Variants in ZFAT observed in about 807,000 individuals in gnomAD.
The protein encoded by ZFAT is zinc finger protein ZFAT.
A neutral mutation model predicts 117.7 loss-of-function variants in ZFAT; 64 were observed. That is an observed-to-expected ratio of 0.54 (90% CI 0.44 to 0.67). The LOEUF is 0.67. Ranked by LOEUF, ZFAT falls within the 30% of genes least tolerant of loss-of-function variation. ZFAT has a pLI of 0.00. For missense variants in ZFAT, 1,433 were observed against 1,584.5 expected (o/e 0.90, Z 1.62); for synonymous variants, 679 against 615.0 (o/e 1.10, Z -1.54).
intron 11 of ZFAT, among the ~76,000 whole-genome samples, chr8:134,535,037 T>C (rs906107248): frequency 7.2e-5 from 11 of 152,172 alleles, no homozygotes; most frequent in South Asian, 2.1e-4. Context: ...GGCTGCCCCA[T>C]CCCACTGTGA....
At chr8:134,810,818 T>G in the ZFAT span, among the ~76,000 whole-genome samples, 2 of 152,184 alleles carry the variant, frequency 1.3e-5, no homozygotes, top group Non-Finnish European at 2.9e-5. Flanking sequence ...CAGCCACACT[T>G]TTTTGAAAAC....
chr8:134,541,309 A>G (rs895827046), intron 11 of ZFAT, among the ~76,000 whole-genome samples: 1 of 152,138 alleles, frequency 6.6e-6, no homozygotes, highest in Non-Finnish European at 1.5e-5. Context: ...TGGGAGAGGA[A>G]TTGGTAGCTT....
the ZFAT span, among the ~76,000 whole-genome samples, chr8:134,761,978 C>CTGTGTG: frequency 8.4e-5 from 6 of 71,204 alleles, no homozygotes; most frequent in South Asian, 4.7e-4. Context: ...CTCTTTCTCT[C>CTGTGTG]TGTATGTGTG....
chr8:134,721,199 C>T, the ZFAT span, among the ~76,000 whole-genome samples: 1 of 152,320 alleles, frequency 6.6e-6, no homozygotes, highest in Non-Finnish European at 1.5e-5. Flanking sequence ...CTGGCCCACT[C>T]ATTCCACTGG....
intron 7 of ZFAT, chr8:134,599,820 A>C (rs1459014338): frequency 4.4e-6 from 2 of 455,222 alleles, no homozygotes; most frequent in Admixed American, 2.4e-5. Flanking sequence ...ATTTGCAAAA[A>C]TAAGCATTCA....
At chr8:134,534,615 A>C (rs2130579758) in intron 11 of ZFAT, among the ~76,000 whole-genome samples, 1 of 146,438 alleles carries the variant, frequency 6.8e-6, no homozygotes, top group African/African-American at 2.6e-5. Context: ...GAGGGAAGAG[A>C]GGGAGAGAGA....
chr8:134,743,197 A>C, the ZFAT span, among the ~76,000 whole-genome samples: 1 of 152,196 alleles, frequency 6.6e-6, no homozygotes, highest in Admixed American at 6.5e-5. Context: ...AATCTAAATT[A>C]AGGAAAATGT....
chr8:134,777,352 C>T, the ZFAT span, among the ~76,000 whole-genome samples: 11 of 152,272 alleles, frequency 7.2e-5, no homozygotes, highest in African/African-American at 2.4e-4. Context: ...CTTCTTGCTT[C>T]CTGTAACATA....
At chr8:134,592,942 A>G (rs538010016) in intron 7 of ZFAT, among the ~76,000 whole-genome samples, 53 of 152,386 alleles carry the variant, frequency 3.5e-4, no homozygotes, top group African/African-American at 1.2e-3. Context: ...CACATGTCCA[A>G]GGGATCCAGG....
the ZFAT span, among the ~76,000 whole-genome samples, chr8:134,779,704 A>G: frequency 2.0e-5 from 3 of 152,154 alleles, no homozygotes; most frequent in Non-Finnish European, 4.4e-5. Context: ...TCAAAGTTAG[A>G]AAAAAAGCCT....
chr8:134,504,945 C>A (rs1192587267), intron 15 of ZFAT, among the ~76,000 whole-genome samples: 1 of 152,164 alleles, frequency 6.6e-6, no homozygotes, highest in Non-Finnish European at 1.5e-5. Context: ...CCCTGCTCAG[C>A]ACCTGCCCCC....
At chr8:134,804,741 C>A in the ZFAT span, 2 of 376,852 alleles carry the variant, frequency 5.3e-6, no homozygotes, top group East Asian at 1.4e-4. Context: ...CTACATTCAA[C>A]TATCATAATA....
intron 1 of ZFAT, chr8:134,674,736 CA>C: frequency 3.7e-6 from 1 of 270,060 alleles, no homozygotes; most frequent in Admixed American, 4.7e-5. Context: ...ACACCTCATA[CA>C]GGAGAGCTCT....
the ZFAT span, among the ~76,000 whole-genome samples, chr8:134,773,895 C>T: frequency 1.3e-5 from 2 of 150,544 alleles, no homozygotes; most frequent in Non-Finnish European, 2.9e-5. Context: ...CTCCTGGGAA[C>T]ATGGTATGAA....
the ZFAT span, among the ~76,000 whole-genome samples, chr8:134,773,209 T>G: frequency 9.8e-5 from 15 of 152,340 alleles, 1 homozygote; most frequent in South Asian, 3.1e-3. Context: ...AATGCTCATT[T>G]ACCACTCTGA....
chr8:134,674,219 G>A lies in ZFAT; in HGVS notation c.20-16482C>T, dbSNP rs572696984. Among the ~76,000 whole-genome samples, 6 of 152,320 alleles carry A rather than the reference G, an allele frequency of 3.9e-5. No homozygotes were observed. In the East Asian group the frequency reaches 5.8e-4, roughly 15 times the overall value. ...GAAGCCGTGAGAGGCTGTACCGGGA[G>A]GAATGGTGCATTCCAGCCCAGGTAC... On this transcript the variant is annotated intron_variant, in intron 1 of 15. Coordinates refer to ENST00000377838, the MANE Select transcript of ZFAT (RefSeq NM_020863.4).
At chr8:134,491,399 GTTTT>G (rs576539686) in intron 15 of ZFAT, among the ~76,000 whole-genome samples, 145 of 152,302 alleles carry the variant, frequency 9.5e-4, no homozygotes, top group Non-Finnish European at 1.6e-3. Flanking sequence ...ACATTGTTAG[GTTTT>G]TATTTCATTT....
intron 11 of ZFAT, among the ~76,000 whole-genome samples, chr8:134,544,662 G>A (rs948800077): frequency 6.6e-6 from 1 of 152,138 alleles, no homozygotes; most frequent in African/African-American, 2.4e-5. Flanking sequence ...AGAAAAGGTG[G>A]AGGAGGGAGG....
chr8:134,799,951 A>C, the ZFAT span, among the ~76,000 whole-genome samples: 1 of 152,180 alleles, frequency 6.6e-6, no homozygotes, highest in Non-Finnish European at 1.5e-5. Context: ...TCATCATGTA[A>C]GTCAATCCAT....
Sources: allele counts gnomAD v4.1 joint callset (sites outside exome capture counted in the v4.1 genomes callset), GRCh38; gene constraint gnomAD v4.1.1; transcripts MANE v1.5; gene names NCBI Gene and HGNC (gene_info 2026-07-23, HGNC 2026-07-21).